Variants in KCNIP1 observed in about 807,000 individuals in gnomAD.
The protein encoded by KCNIP1 is potassium voltage-gated channel interacting protein 1, also known as A-type potassium channel modulatory protein KCNIP1.
A neutral mutation model predicts 33.0 loss-of-function variants in KCNIP1; 18 were observed. The observed-to-expected ratio is 0.55, with a 90% CI of 0.38 to 0.81. The LOEUF (loss-of-function observed/expected upper bound fraction) is 0.81. Ranked by LOEUF, KCNIP1 falls within the 30% of genes least tolerant of loss-of-function variation. KCNIP1 has a pLI of 0.00. For missense variants in KCNIP1, 238 were observed against 271.6 expected, an observed-to-expected ratio of 0.88 and a Z score of 0.87; for synonymous variants, 93 against 98.3, an observed-to-expected ratio of 0.95 and a Z score of 0.32.
At chr5:170,473,683 G>A (rs1263915997) in intron 1 of KCNIP1, among the ~76,000 whole-genome samples, 1 of 152,108 alleles carries the variant, frequency 6.6e-6, no homozygotes, top group Admixed American at 6.6e-5. Context: ...GTCTTCCAAG[G>A]GGACAGACTG....
intron 1 of KCNIP1, chr5:170,377,450 C>CCCTT (rs1325494870): frequency 5.9e-5 from 9 of 152,210 alleles, no homozygotes; most frequent in Non-Finnish European, 1.5e-5. Context: ...TCCCATTTTG[C>CCCTT]CCTTTTCAAA....
chr5:170,725,080 G>A (rs944641109), intron 5 of KCNIP1, among the ~76,000 whole-genome samples: 1 of 152,154 alleles, frequency 6.6e-6, no homozygotes, highest in South Asian at 2.1e-4. Context: ...TAGGGAATTG[G>A]CATAAGGATA....
chr5:170,696,340 C>T (rs1199343191), intron 1 of KCNIP1, among the ~76,000 whole-genome samples: 1 of 138,564 alleles, frequency 7.2e-6, no homozygotes, highest in African/African-American at 2.9e-5. Flanking sequence ...TGGACCTAAG[C>T]CTGGCACAGA....
chr5:170,686,242 A>G (rs182806600), intron 1 of KCNIP1, among the ~76,000 whole-genome samples: 10 of 152,322 alleles, frequency 6.6e-5, no homozygotes, highest in African/African-American at 2.4e-4. Flanking sequence ...CTCTCCAGAG[A>G]GAAAGGAGGA....
At chr5:170,470,049 C>T (rs1756689216) in intron 1 of KCNIP1, among the ~76,000 whole-genome samples, 1 of 152,120 alleles carries the variant, frequency 6.6e-6, no homozygotes, top group African/African-American at 2.4e-5. Context: ...AATTGATATC[C>T]CTGTGTGAAA....
intron 1 of KCNIP1, among the ~76,000 whole-genome samples, chr5:170,414,958 C>T (rs1422738414): frequency 6.6e-6 from 1 of 152,154 alleles, no homozygotes; most frequent in African/African-American, 2.4e-5. Context: ...GCTTCCAATG[C>T]CCAGCATGTA....
intron 1 of KCNIP1, among the ~76,000 whole-genome samples, chr5:170,646,625 A>G (rs1342373107): frequency 6.6e-6 from 1 of 152,182 alleles, no homozygotes; most frequent in Non-Finnish European, 1.5e-5. Context: ...AAAATCCTCC[A>G]GCTAACATCA....
intron 1 of KCNIP1, among the ~76,000 whole-genome samples, chr5:170,453,102 C>G (rs1296532054): frequency 6.6e-6 from 1 of 152,174 alleles, no homozygotes; most frequent in African/African-American, 2.4e-5. Context: ...TCTCAAAATT[C>G]TTTGTTAGTT....
chr5:170,681,502 A>C (rs1331402296), intron 1 of KCNIP1: 2 of 196,384 alleles, frequency 1.0e-5, no homozygotes. Context: ...TTCTCTCTGA[A>C]GCTGTCTGGT....
At position 170,590,499 on chromosome 5, in the gene KCNIP1, G is replaced by C. The variant is rs146174834; in HGVS notation, c.61+85866G>C. On this transcript the variant is annotated intron_variant, in intron 1 of 7. Transcript: ENST00000328939. ...CCAACCGGTAGAGGATTTGCAGTTGGACTCTGCTTTATGGCTTGGTGATGG... is the reference window on the plus strand; with the variant it reads ...CCAACCGGTAGAGGATTTGCAGTTGCACTCTGCTTTATGGCTTGGTGATGG... Among the ~76,000 whole-genome samples, 532 of 152,260 alleles carry C rather than the reference G, an allele frequency of 3.5e-3. 2 individuals are homozygous for C. Among genetic ancestry groups the C allele is most frequent in the African/African-American group, 0.012 (511 of 41,566 alleles).
intron 1 of KCNIP1, chr5:170,378,974 C>T: frequency 1.2e-6 from 2 of 1,613,112 alleles, no homozygotes; most frequent in South Asian, 2.2e-5. Flanking sequence ...TGTAGGAGCA[C>T]TGTGGGGAGA....
chr5:170,719,303 A>C (rs1293699033), intron 2 of KCNIP1, among the ~76,000 whole-genome samples: 1 of 151,874 alleles, frequency 6.6e-6, no homozygotes, highest in Non-Finnish European at 1.5e-5. Context: ...GGGAAATGGA[A>C]CTGACAGTGG....
In KCNIP1 at chr5:170,692,575, T is replaced by A. The variant is rs116511767; in HGVS notation, c.62-26183T>A. On this transcript the variant is annotated intron_variant, in intron 1 of 7. Coordinates refer to ENST00000328939, the MANE Select transcript of KCNIP1 (RefSeq NM_014592.4). ...CCAGTTCATGCACTTACTCCCTGTG[T>A]GACCCTGGGAATCACTTAAGCTGTC... is the stretch of plus-strand genomic sequence containing the variant. Among the ~76,000 whole-genome samples the A allele has an allele frequency of 3.7e-3, 566 of 152,350 alleles. 3 individuals are homozygous for A. Among genetic ancestry groups the A allele is most frequent in the African/African-American group, 0.013 (544 of 41,580 alleles).
chr5:170,587,085 T>TGTTGCTGC (rs1178039702), intron 1 of KCNIP1, among the ~76,000 whole-genome samples: 1 of 152,200 alleles, frequency 6.6e-6, no homozygotes, highest in Non-Finnish European at 1.5e-5. Flanking sequence ...ATGAGTTTCC[T>TGTTGCTGC]GTTGCTGCTG....
chr5:170,456,699 CTT>C (rs1554093873), intron 1 of KCNIP1, among the ~76,000 whole-genome samples: 2 of 22,302 alleles, frequency 9.0e-5, no homozygotes, highest in African/African-American at 3.2e-4. Context: ...CTCTCTCTCT[CTT>C]TTTCTTTCTT....
intron 1 of KCNIP1, among the ~76,000 whole-genome samples, chr5:170,650,088 A>G (rs1760981550): frequency 6.6e-6 from 1 of 152,248 alleles, no homozygotes; most frequent in South Asian, 2.1e-4. Flanking sequence ...GGGAATTTTA[A>G]GAAATATTGC....
intron 1 of KCNIP1, among the ~76,000 whole-genome samples, chr5:170,683,894 ATG>A (rs1168722972): frequency 5.5e-4 from 50 of 91,732 alleles, no homozygotes; most frequent in Non-Finnish European, 8.6e-4. Context: ...CAGCTAGTGT[ATG>A]TGTGTGTGTG....
At chr5:170,383,305 A>T (rs1764326338) in intron 1 of KCNIP1, 1 of 525,858 alleles carries the variant, frequency 1.9e-6, no homozygotes, top group Non-Finnish European at 3.4e-6. Flanking sequence ...GAAAGTACTA[A>T]CACTAATCAC....
At position 170,504,161 on chromosome 5, in the gene KCNIP1, G is replaced by A; in HGVS notation, c.-412G>A. On this transcript the variant is annotated 5_prime_UTR_variant, in exon 1 of 8. Transcript: ENST00000328939. The surrounding 1 kb of genome is among the most constrained non-coding windows in gnomAD (Gnocchi z 6.0). ...CAGCCCGAGCGCAGGGAGGGGAGCCGAGTGTGCGGCAGGAGGGGCGGGCGG... is the reference window on the plus strand; with the variant it reads ...CAGCCCGAGCGCAGGGAGGGGAGCCAAGTGTGCGGCAGGAGGGGCGGGCGG... 1.0e-6 allele frequency: 1 copy of A among 1,004,604 alleles called. No individual in the cohort carries two copies. The highest frequency in any genetic ancestry group is 1.2e-6 in the Non-Finnish European group (1 of 843,430). The allele number at this position is 1,004,604 out of a possible 1,614,324, so 62.2% of individuals were successfully genotyped here. A position where few individuals can be genotyped will look rare whatever the true frequency, so the allele number is the denominator to read the frequency against.
Sources: gnomAD v4.1 joint callset for allele counts (sites outside exome capture counted in the v4.1 genomes callset) on GRCh38, gnomAD v4.1.1 for gene constraint, Gnocchi (gnomAD v3.1) non-coding constraint, MANE v1.5 for transcripts, NCBI Gene and HGNC (gene_info 2026-07-23, HGNC 2026-07-21) for gene names.